The following SNTG2 variants were observed in gnomAD, a reference collection of about 807,000 sequenced individuals.
SNTG2 encodes gamma-2-syntrophin.
A neutral mutation model predicts 70.9 loss-of-function variants in SNTG2; 74 were observed. The observed-to-expected ratio is 1.04, with a 90% CI of 0.86 to 1.27. The LOEUF is 1.27. Ranked by LOEUF, SNTG2 falls within the 50% of genes most tolerant of loss-of-function variation. SNTG2 has a pLI of 0.00. For missense variants in SNTG2, 717 were observed against 690.7 expected, an observed-to-expected ratio of 1.04 and a Z score of -0.43; for synonymous variants, 278 against 273.8, an observed-to-expected ratio of 1.02 and a Z score of -0.15.
At chr2:1,256,150 C>A (rs10171277) in intron 12 of SNTG2, among the ~76,000 whole-genome samples, 45,300 of 151,230 alleles carry the variant, frequency 0.3, 7,510 homozygotes, top group African/African-American at 0.45. Context: ...ACCATTACTG[C>A]CTATGAGTTC....
At chr2:983,241 T>C (rs1344255731) in intron 1 of SNTG2, among the ~76,000 whole-genome samples, 1 of 146,622 alleles carries the variant, frequency 6.8e-6, no homozygotes, top group Non-Finnish European at 1.5e-5. Flanking sequence ...GAGGTTGGGA[T>C]GAAGAAGTTG....
chr2:1,033,948 TTTC>T (rs1289780394), intron 1 of SNTG2, among the ~76,000 whole-genome samples: 1 of 152,216 alleles, frequency 6.6e-6, no homozygotes, highest in Non-Finnish European at 1.5e-5. Context: ...GAAATATTAT[TTTC>T]TTCTTTCTTG....
At chr2:1,364,807 G>A (rs1403862658) in intron 16 of SNTG2, among the ~76,000 whole-genome samples, 1 of 151,886 alleles carries the variant, frequency 6.6e-6, no homozygotes, top group Non-Finnish European at 1.5e-5. Context: ...CTACTCAGGA[G>A]GCTGAGGCAG....
intron 1 of SNTG2, among the ~76,000 whole-genome samples, chr2:1,022,792 C>G (rs887999058): frequency 6.6e-6 from 1 of 152,118 alleles, no homozygotes; most frequent in Non-Finnish European, 1.5e-5. Context: ...TCTTCTTTCC[C>G]CCTTCCATGA....
At chr2:1,241,164 T>C (rs1341023489) in intron 11 of SNTG2, among the ~76,000 whole-genome samples, 1 of 152,208 alleles carries the variant, frequency 6.6e-6, no homozygotes, top group Non-Finnish European at 1.5e-5. Flanking sequence ...CTGAGACTCT[T>C]CCGAGATCTT....
At chr2:1,142,782 A>G (rs985015550) in intron 6 of SNTG2, among the ~76,000 whole-genome samples, 4 of 152,174 alleles carry the variant, frequency 2.6e-5, no homozygotes, top group Non-Finnish European at 5.9e-5. Flanking sequence ...TAGTCATTGC[A>G]CCCATATTAA....
chr2:1,152,411 A>T (rs1669559868), intron 6 of SNTG2, among the ~76,000 whole-genome samples: 1 of 152,190 alleles, frequency 6.6e-6, no homozygotes, highest in Admixed American at 6.5e-5. Flanking sequence ...GTGCATATAC[A>T]TGTGTACCTG....
intron 13 of SNTG2, among the ~76,000 whole-genome samples, chr2:1,265,874 G>A (rs988222648): frequency 7.2e-5 from 11 of 152,156 alleles, no homozygotes; most frequent in Non-Finnish European, 1.0e-4. Flanking sequence ...TCAGGACTTT[G>A]GAAACCCCAG....
At chr2:1,265,330 CTACACACATTCACG>C (rs1328348045) in intron 13 of SNTG2, among the ~76,000 whole-genome samples, 1 of 152,192 alleles carries the variant, frequency 6.6e-6, no homozygotes, top group Non-Finnish European at 1.5e-5. Context: ...CGTATGCACA[CTACACACATTCACG>C]TACACACACA....
chr2:1,360,525 G>A (rs4411755), intron 16 of SNTG2, among the ~76,000 whole-genome samples: 109,683 of 151,996 alleles, frequency 0.72, 39,876 homozygotes, highest in East Asian at 0.94. Context: ...TGGACTCTTT[G>A]TGCACTGGCA....
intron 1 of SNTG2, among the ~76,000 whole-genome samples, chr2:1,023,107 T>C (rs527638960): frequency 2.0e-5 from 3 of 152,242 alleles, no homozygotes; most frequent in African/African-American, 7.2e-5. Context: ...TTTTTGACTT[T>C]ACATTTAACC....
chr2:1,231,321 G>A (rs1676230458), intron 9 of SNTG2, among the ~76,000 whole-genome samples: 1 of 152,172 alleles, frequency 6.6e-6, no homozygotes, highest in African/African-American at 2.4e-5. Context: ...TCTTCCATAG[G>A]GTCACTGCGG....
In SNTG2 at chr2:1,257,023, T is replaced by C. The variant is rs950889583; in HGVS notation, c.1006-2347T>C. Among the ~76,000 whole-genome samples the C allele has an allele frequency of 2.6e-5, 4 of 151,760 alleles. No individual in the cohort carries two copies. In the South Asian group the frequency reaches 6.3e-4, roughly 24 times the overall value. On this transcript the variant is annotated intron_variant, in intron 12 of 16. Coordinates refer to ENST00000308624, the MANE Select transcript of SNTG2 (RefSeq NM_018968.4). ...ACGATTTTAGATTTACAGAAAACAG[T>C]GGAAGGTGAAGAGTAGCCTGTGCCC...
chr2:1,358,082 G>T (rs1005544057), intron 16 of SNTG2, among the ~76,000 whole-genome samples: 2 of 152,018 alleles, frequency 1.3e-5, no homozygotes, highest in Admixed American at 6.6e-5. Context: ...GCCCTCACAT[G>T]CAGAGACAGT....
chr2:973,855 T>G, intron 1 of SNTG2, among the ~76,000 whole-genome samples: 1 of 152,302 alleles, frequency 6.6e-6, no homozygotes, highest in East Asian at 1.9e-4. Flanking sequence ...CTTTCATTCA[T>G]TTAGTTTTGT....
intron 1 of SNTG2, among the ~76,000 whole-genome samples, chr2:1,061,066 C>G (rs1662786903): frequency 6.7e-6 from 1 of 148,644 alleles, no homozygotes; most frequent in Non-Finnish European, 1.5e-5. Flanking sequence ...AGGAACATTC[C>G]ACAAAATAAC....
At chr2:1,068,333 G>T (rs1174523017) in intron 1 of SNTG2, 1 of 152,114 alleles carries the variant, frequency 6.6e-6, no homozygotes, top group Admixed American at 6.5e-5. Flanking sequence ...CGGATCCGTT[G>T]AGTTTTCTCC....
At chr2:1,246,924 T>C (rs1161124238) in intron 11 of SNTG2, among the ~76,000 whole-genome samples, 1 of 152,234 alleles carries the variant, frequency 6.6e-6, no homozygotes, top group Non-Finnish European at 1.5e-5. Flanking sequence ...TTTCCACATA[T>C]GCCAACTTCT....
At chr2:1,099,742 G>T (rs1031967029) in intron 4 of SNTG2, among the ~76,000 whole-genome samples, 2 of 151,950 alleles carry the variant, frequency 1.3e-5, no homozygotes, top group African/African-American at 2.4e-5. Context: ...ATGTTTTGCT[G>T]CAGAGATTGC....
Sources: gnomAD v4.1 joint callset for allele counts (sites outside exome capture counted in the v4.1 genomes callset) on GRCh38, gnomAD v4.1.1 for gene constraint, MANE v1.5 for transcripts, NCBI Gene and HGNC (gene_info 2026-07-23, HGNC 2026-07-21) for gene names.